CSMD1: variants seen among roughly 807,000 people sequenced by gnomAD.
CSMD1 encodes CUB and sushi domain-containing protein 1.
Under a neutral mutation model 417.5 loss-of-function variants are expected in CSMD1, and 213 were observed. The observed-to-expected ratio is 0.51, with a 90% CI of 0.46 to 0.57. CSMD1 has a LOEUF of 0.57. CSMD1 is among the 20% of genes least tolerant of loss of function. The pLI, the probability that CSMD1 is intolerant of heterozygous loss-of-function variation, is 0.00. For synonymous variants in CSMD1, 2,862 were observed against 1,736.8 expected (o/e 1.65, Z -16.11); for missense variants, 6,923 against 4,529.7 (o/e 1.53, Z -15.17).
intron 10 of CSMD1, among the ~76,000 whole-genome samples, chr8:3,540,724 G>T (rs900427288): frequency 6.6e-6 from 1 of 151,930 alleles, no homozygotes; most frequent in Admixed American, 6.6e-5. Flanking sequence ...GTGAGCAAAA[G>T]ACATGAACAG....
intron 66 of CSMD1, 145 bp downstream of exon 66, chr8:2,950,969 G>A: frequency 1.5e-6 from 1 of 681,792 alleles, no homozygotes; most frequent in Non-Finnish European, 2.2e-6. Flanking sequence ...CTCACGGCTA[G>A]GGAGAGGCTC....
At chr8:4,249,735 T>C (rs1192155056) in intron 3 of CSMD1, among the ~76,000 whole-genome samples, 4 of 152,126 alleles carry the variant, frequency 2.6e-5, no homozygotes, top group African/African-American at 4.8e-5. Context: ...AGTAGCTCAG[T>C]ACTGGAGAAC....
chr8:4,505,263 T>G lies in CSMD1; in HGVS notation c.303-85198A>C, dbSNP rs146451956. On this transcript the variant is annotated intron_variant, in intron 2 of 69. Transcript: ENST00000635120. ...TCCTTACTTTATGAAAAAATAATAA[T>G]GATAAATGTGTTCTTTAGAACAGAG... Among the ~76,000 whole-genome samples, 266 of 152,240 alleles carry G rather than the reference T, an allele frequency of 1.7e-3. 1 individual carries two copies. Among genetic ancestry groups the G allele is most frequent in the African/African-American group, 6.2e-3 (256 of 41,552 alleles).
At chr8:3,193,511 C>T (rs544986738) in intron 33 of CSMD1, among the ~76,000 whole-genome samples, 5 of 152,036 alleles carry the variant, frequency 3.3e-5, no homozygotes, top group African/African-American at 4.8e-5. Flanking sequence ...TCATCCTCCC[C>T]GCCCGTCCTC....
chr8:3,393,111 A>G (rs548942437), intron 17 of CSMD1, among the ~76,000 whole-genome samples: 1 of 152,360 alleles, frequency 6.6e-6, no homozygotes, highest in African/African-American at 2.4e-5. Context: ...GTCAAGGTTC[A>G]GTATCACATC....
intron 26 of CSMD1, among the ~76,000 whole-genome samples, chr8:3,248,522 C>A (rs946321486): frequency 1.4e-5 from 1 of 71,404 alleles, no homozygotes; most frequent in African/African-American, 4.1e-5. Context: ...CAATTCCCTC[C>A]CTTTTTTTTT....
At chr8:4,117,413 G>A (rs1355379920) in intron 3 of CSMD1, among the ~76,000 whole-genome samples, 3 of 151,976 alleles carry the variant, frequency 2.0e-5, no homozygotes, top group African/African-American at 4.8e-5. Flanking sequence ...TCTGCCTGCC[G>A]CAAGGTAAAT....
chr8:3,864,859 G>A (rs1478744841), intron 5 of CSMD1, among the ~76,000 whole-genome samples: 1 of 152,290 alleles, frequency 6.6e-6, no homozygotes, highest in Non-Finnish European at 1.5e-5. Flanking sequence ...GTTTTGGCCA[G>A]ACTAGAATTA....
chr8:4,526,652 T>C (rs941183158), intron 2 of CSMD1, among the ~76,000 whole-genome samples: 2 of 152,200 alleles, frequency 1.3e-5, no homozygotes, highest in African/African-American at 4.8e-5. Flanking sequence ...ATTGTGTAAT[T>C]TTTGCAAAAT....
chr8:4,484,643 T>C (rs1038184625), intron 2 of CSMD1, among the ~76,000 whole-genome samples: 5 of 151,994 alleles, frequency 3.3e-5, no homozygotes, highest in Non-Finnish European at 5.9e-5. Flanking sequence ...GAGACACATC[T>C]TCCTGCATGG....
intron 11 of CSMD1, among the ~76,000 whole-genome samples, chr8:3,480,908 G>A (rs1817704153): frequency 6.6e-6 from 1 of 152,110 alleles, no homozygotes; most frequent in Non-Finnish European, 1.5e-5. Flanking sequence ...TGTAATCCCA[G>A]CACTTTGGGA....
intron 3 of CSMD1, among the ~76,000 whole-genome samples, chr8:4,057,035 C>T (rs923558213): frequency 1.3e-5 from 2 of 152,144 alleles, no homozygotes; most frequent in Non-Finnish European, 1.5e-5. Flanking sequence ...ATTTATAGTC[C>T]TTTGGGTATG....
chr8:3,293,744 G>A (rs1043076250), intron 25 of CSMD1, among the ~76,000 whole-genome samples: 2 of 152,050 alleles, frequency 1.3e-5, no homozygotes. Context: ...TTTTTTACAA[G>A]GTTTTTAACT....
chr8:3,711,622 T>TC (rs1477213373), intron 6 of CSMD1, among the ~76,000 whole-genome samples: 1 of 152,152 alleles, frequency 6.6e-6, no homozygotes, highest in Non-Finnish European at 1.5e-5. Context: ...GTGACAAATA[T>TC]CACAGGAAAG....
chr8:3,948,999 T>C (rs528379654), intron 5 of CSMD1, among the ~76,000 whole-genome samples: 88 of 152,298 alleles, frequency 5.8e-4, no homozygotes, highest in Non-Finnish European at 9.3e-4. Flanking sequence ...TATATAACAA[T>C]TAAAATGTAT....
chr8:3,968,290 G>C (rs1715686900), intron 5 of CSMD1, among the ~76,000 whole-genome samples: 1 of 151,934 alleles, frequency 6.6e-6, no homozygotes, highest in Non-Finnish European at 1.5e-5. Context: ...GTATTGCCTG[G>C]ACAATACTCA....
At chr8:4,880,802 AG>A (rs1372747150) in intron 1 of CSMD1, among the ~76,000 whole-genome samples, 1 of 152,136 alleles carries the variant, frequency 6.6e-6, no homozygotes, top group East Asian at 1.9e-4. Flanking sequence ...TCCTGCACTC[AG>A]AAAAAGTTTT....
chr8:3,295,505 G>A (rs778646438), intron 25 of CSMD1, among the ~76,000 whole-genome samples: 7 of 152,142 alleles, frequency 4.6e-5, no homozygotes, highest in Non-Finnish European at 8.8e-5. Context: ...CTTTAAAACT[G>A]TAAGTGTTTT....
At chr8:3,779,573 A>G (rs1450015536) in intron 5 of CSMD1, among the ~76,000 whole-genome samples, 3 of 152,258 alleles carry the variant, frequency 2.0e-5, no homozygotes, top group Admixed American at 1.3e-4. Context: ...TCAAATATCC[A>G]AAAGCAATTA....
Sources: allele counts gnomAD v4.1 joint callset (sites outside exome capture counted in the v4.1 genomes callset), GRCh38; gene constraint gnomAD v4.1.1; transcripts MANE v1.5; gene names NCBI Gene and HGNC (gene_info 2026-07-23, HGNC 2026-07-21).